The following OPA1 variants were observed in gnomAD, a reference collection of about 807,000 sequenced individuals.
The protein encoded by OPA1 is dynamin-like GTPase OPA1, mitochondrial.
OPA1 carries 59 observed loss-of-function variants against 152.9 expected under a neutral mutation model. The observed-to-expected ratio is 0.39, with a 90% confidence interval of 0.31 to 0.48. The LOEUF is 0.48. OPA1 is among the 20% of genes least tolerant of loss of function. The pLI is 0.96. For synonymous variants in OPA1, 400 were observed against 389.9 expected, an observed-to-expected ratio of 1.03 and a Z score of -0.31; for missense variants, 1,008 against 1,216.8, an observed-to-expected ratio of 0.83 and a Z score of 2.55.
At position 193,692,960 on chromosome 3, in the gene OPA1, G is replaced by A. The variant is rs565508632; in HGVS notation, c.*5+828G>A. Among the ~76,000 whole-genome samples the A allele has an allele frequency of 1.2e-4, 19 of 152,372 alleles. No homozygotes were observed. In the South Asian group the frequency reaches 2.1e-3, roughly 17 times the overall value. ...TTTTGTAGAGATGGGGTTTCACCCCGTTGTCCAGGCTGGCATTTGCTTTTA... is the reference window on the plus strand; with the variant it reads ...TTTTGTAGAGATGGGGTTTCACCCCATTGTCCAGGCTGGCATTTGCTTTTA... On this transcript the variant is annotated intron_variant, in intron 30 of 30. Transcript: ENST00000361510.
chr3:193,678,481 A>G (rs1212559726), intron 29 of OPA1, among the ~76,000 whole-genome samples: 1 of 152,164 alleles, frequency 6.6e-6, no homozygotes, highest in Non-Finnish European at 1.5e-5. Context: ...AATTTCTGGA[A>G]CACATTTTTC....
intron 1 of OPA1, among the ~76,000 whole-genome samples, chr3:193,605,163 C>G (rs1303367301): frequency 6.6e-6 from 1 of 152,126 alleles, no homozygotes; most frequent in Non-Finnish European, 1.5e-5. Flanking sequence ...CAAGTATTGA[C>G]TTTCTTTATG....
chr3:193,617,083 T>G (rs1729142110), intron 3 of OPA1, 95 bp from the exon 4 acceptor site: 1 of 763,496 alleles, frequency 1.3e-6, no homozygotes, highest in African/African-American at 1.8e-5. Context: ...AGGGTTGTCA[T>G]GAGGATTAAA....
chr3:193,611,628 C>T (rs12638878), intron 1 of OPA1, among the ~76,000 whole-genome samples: 1 of 146,382 alleles, frequency 6.8e-6, no homozygotes, highest in Non-Finnish European at 1.5e-5. Context: ...AAAAGTTCAG[C>T]TAAGGCCACC....
In OPA1 at chr3:193,631,683, G is replaced by C. The variant is rs759158013; in HGVS notation, c.843+18G>C. 2 of 1,599,614 alleles carry C rather than the reference G, an allele frequency of 1.3e-6. No homozygotes were observed. Among genetic ancestry groups the C allele is most frequent in the Admixed American group, 3.3e-5 (2 of 59,748 alleles). The stretch of plus-strand genomic sequence containing the variant: ...ACACTCAGGTAATCATGATGACTAA[G>C]AAAAACTAGGGACTTTTAAAAATTA... On this transcript the variant is annotated intron_variant, in intron 8 of 30. Transcript: ENST00000361510.
Position 193,666,292 on chromosome 3 carries a change from T to G in OPA1, c.2779-4T>G, listed in dbSNP as rs759534640. 2.6e-5 allele frequency: 42 copies of G among 1,612,354 alleles called. No homozygotes were observed. The highest frequency in any genetic ancestry group is 1.7e-6 in the Non-Finnish European group (2 of 1,178,478). On this transcript the variant is annotated splice_polypyrimidine_tract_variant and splice_region_variant and intron_variant, in intron 27 of 30. Coordinates refer to ENST00000361510, the MANE Select transcript of OPA1 (RefSeq NM_130837.3). ...CTGGTAATCTTAGTTACTTAATATT[T>G]CAGTTGGAATGCAATGATGTGGTCT... is the stretch of plus-strand genomic sequence containing the variant.
At chr3:193,644,788 G>A (rs1734298259) in intron 16 of OPA1, among the ~76,000 whole-genome samples, 1 of 152,040 alleles carries the variant, frequency 6.6e-6, no homozygotes, top group Non-Finnish European at 1.5e-5. Flanking sequence ...TTCAACTCTA[G>A]GATAGTGAGT....
chr3:193,687,789 A>C (rs533322546), intron 29 of OPA1, among the ~76,000 whole-genome samples: 3 of 152,356 alleles, frequency 2.0e-5, no homozygotes, highest in East Asian at 3.9e-4. Flanking sequence ...TTTATGAGAA[A>C]TAATTCTGCT....
At chr3:193,669,870 TCTA>T (rs1717533485) in intron 29 of OPA1, among the ~76,000 whole-genome samples, 2 of 152,350 alleles carry the variant, frequency 1.3e-5, no homozygotes, top group Admixed American at 1.3e-4. Flanking sequence ...AGTTCTATGT[TCTA>T]CTGCTGGTTT....
chr3:193,649,084 C>G (rs924306653), intron 21 of OPA1, among the ~76,000 whole-genome samples: 1 of 152,038 alleles, frequency 6.6e-6, no homozygotes, highest in Non-Finnish European at 1.5e-5. Flanking sequence ...TTCTCTTTGC[C>G]TTTTCTTTAT....
Position 193,613,562 on chromosome 3 carries a change from G to GT in OPA1, c.33-1151dup, listed in dbSNP as rs973523677. 1.7e-3 allele frequency among the ~76,000 whole-genome samples: 246 copies of GT among 145,874 alleles called. 1 individual carries two copies. The highest frequency in any genetic ancestry group is 3.7e-3 in the African/African-American group (148 of 39,846). On this transcript the variant is annotated intron_variant, in intron 1 of 30. Transcript: ENST00000361510. ...CCTTGATTCCTCCTCCTCCTTCTTT[G>GT]TTTTTTTTTTGTTTGTTTGTTTGTT... is the stretch of plus-strand genomic sequence containing the variant.
At chr3:193,625,965 T>G in intron 6 of OPA1, 127 bp from the exon 7 acceptor site, 1 of 759,978 alleles carries the variant, frequency 1.3e-6, no homozygotes. Context: ...CGGCTTTAAA[T>G]GAGTTTCCAT....
chr3:193,661,472 G>A, intron 25 of OPA1, among the ~76,000 whole-genome samples: 1 of 152,248 alleles, frequency 6.6e-6, no homozygotes, highest in Admixed American at 6.5e-5. Flanking sequence ...CTCATACCTG[G>A]AGGTTACAGT....
intron 29 of OPA1, chr3:193,689,168 A>G (rs1721347540): frequency 6.6e-6 from 1 of 152,240 alleles, no homozygotes; most frequent in South Asian, 2.1e-4. Flanking sequence ...ATGCTTCTCA[A>G]AGGTAGGATA....
intron 1 of OPA1, among the ~76,000 whole-genome samples, chr3:193,613,115 A>G (rs2108856160): frequency 6.6e-6 from 1 of 152,372 alleles, no homozygotes; most frequent in East Asian, 1.9e-4. Flanking sequence ...AAGCAAGGAA[A>G]ATAAACACTT....
intron 1 of OPA1, among the ~76,000 whole-genome samples, chr3:193,594,748 G>GT (rs762555317): frequency 7.9e-5 from 12 of 152,282 alleles, no homozygotes; most frequent in Admixed American, 2.0e-4. Context: ...GATAACAATA[G>GT]TTAACAGTGT....
At chr3:193,689,916 T>C (rs1366384144) in intron 29 of OPA1, among the ~76,000 whole-genome samples, 1 of 152,090 alleles carries the variant, frequency 6.6e-6, no homozygotes, top group African/African-American at 2.4e-5. Flanking sequence ...ATTTCCAGCA[T>C]TCTAGGTAAC....
intron 29 of OPA1, among the ~76,000 whole-genome samples, chr3:193,678,021 T>G (rs543953275): frequency 7.9e-5 from 12 of 152,354 alleles, no homozygotes; most frequent in Admixed American, 2.6e-4. Flanking sequence ...ACTCACAGTT[T>G]CCACACTTGT....
intron 26 of OPA1, among the ~76,000 whole-genome samples, chr3:193,663,928 C>T (rs1052667126): frequency 6.6e-6 from 1 of 152,060 alleles, no homozygotes; most frequent in East Asian, 1.9e-4. Flanking sequence ...TCCCAGCTCT[C>T]GTTAACAATA....
Sources: gnomAD v4.1 joint callset for allele counts (sites outside exome capture counted in the v4.1 genomes callset) on GRCh38, gnomAD v4.1.1 for gene constraint, MANE v1.5 for transcripts, NCBI Gene and HGNC (gene_info 2026-07-23, HGNC 2026-07-21) for gene names.